Variants in DOT1L observed in about 807,000 individuals in gnomAD.
DOT1L encodes histone-lysine N-methyltransferase, H3 lysine-79 specific.
DOT1L carries 33 observed loss-of-function variants against 153.3 expected under a neutral mutation model. That is an observed-to-expected ratio of 0.22 (90% CI 0.16 to 0.29). The LOEUF (loss-of-function observed/expected upper bound fraction) is 0.29. DOT1L is among the 10% of genes least tolerant of loss of function. The pLI is 1.00. For missense variants in DOT1L, 1,847 were observed against 2,119.9 expected, an observed-to-expected ratio of 0.87 and a Z score of 2.53; for synonymous variants, 1,135 against 965.1, an observed-to-expected ratio of 1.18 and a Z score of -3.26.
intron 1 of DOT1L, among the ~76,000 whole-genome samples, chr19:2,173,727 G>A (rs2021770024): frequency 6.6e-6 from 1 of 152,200 alleles, no homozygotes; most frequent in South Asian, 2.1e-4. Flanking sequence ...TGTGTCCTTG[G>A]TGGGCAGCTC....
intron 3 of DOT1L, among the ~76,000 whole-genome samples, chr19:2,187,136 C>A (rs549283018): frequency 6.6e-6 from 1 of 152,332 alleles, no homozygotes; most frequent in East Asian, 1.9e-4. Flanking sequence ...AGGAGCCCCC[C>A]ACAAGTCGCT....
rs1424143295 is a variant in DOT1L at position 2,211,205 on chromosome 19, G to A, written c.1458G>A (p.Lys486=). The A allele has an allele frequency of 3.7e-6, 6 of 1,605,484 alleles. No individual in the cohort carries two copies. The highest frequency in any genetic ancestry group is 3.4e-5 in the Admixed American group (2 of 59,542). The change falls in exon 15 of 28, where the codon AAG becomes AAA. Residue 486 remains lysine, a synonymous_variant. Coordinates refer to ENST00000398665, the MANE Select transcript of DOT1L (RefSeq NM_032482.3). ...CGCCCACCCCGCCCGCGCTGCAGAA[G>A]CTTCTAGGTGAGCCCGTGTGAGGCG... is the stretch of plus-strand genomic sequence containing the variant. ...LVAPTPPALQ[K]LLESFKIQYL... is the part of the protein sequence containing the mutation.
chr19:2,164,814 C>A (rs374877319), intron 1 of DOT1L, among the ~76,000 whole-genome samples: 2 of 152,036 alleles, frequency 1.3e-5, no homozygotes, highest in Admixed American at 1.3e-4. Flanking sequence ...AATTTTTGTC[C>A]CCGTAATTTT....
At chr19:2,199,514 G>A (rs1421493719) in intron 7 of DOT1L, among the ~76,000 whole-genome samples, 1 of 152,228 alleles carries the variant, frequency 6.6e-6, no homozygotes, top group Non-Finnish European at 1.5e-5. Flanking sequence ...CCTGCTGGCC[G>A]CCTCTGGTCC....
rs112046687 is a variant in DOT1L, at chr19:2,197,336, C to T, written c.652-2548C>T. ...TGGCCGGAAGTTCCCACATGGGTTC[C>T]TGGCTGTGGCAGGCGAGCCACACAG... On this transcript the variant is annotated intron_variant, in intron 7 of 27. Coordinates refer to ENST00000398665, the MANE Select transcript of DOT1L (RefSeq NM_032482.3). This position sits in a 1 kb window ranked among gnomAD's most constrained non-coding sequence, Gnocchi z 4.1. 4.0e-3 allele frequency among the ~76,000 whole-genome samples: 603 copies of T among 152,348 alleles called. 5 individuals are homozygous for T. The highest frequency in any genetic ancestry group is 0.014 in the African/African-American group (565 of 41,566).
intron 27 of DOT1L, 53 bp from the exon 28 acceptor site, chr19:2,229,732 C>T (rs974881310): frequency 1.2e-6 from 2 of 1,611,814 alleles, no homozygotes; most frequent in South Asian, 2.2e-5. Flanking sequence ...TGTTGGGCTC[C>T]CCCAGGCGCG....
At chr19:2,199,574 C>T (rs1285555637) in intron 7 of DOT1L, among the ~76,000 whole-genome samples, 1 of 152,226 alleles carries the variant, frequency 6.6e-6, no homozygotes, top group Non-Finnish European at 1.5e-5. Context: ...TAGGAGACTG[C>T]AGCGTGGCTT....
intron 17 of DOT1L, 72 bp downstream of exon 17, chr19:2,213,712 ATGGCTTCCTG>A (rs2023795343): frequency 2.2e-5 from 36 of 1,603,466 alleles, no homozygotes; most frequent in South Asian, 1.0e-4. Flanking sequence ...GTCCGTCGGT[ATGGCTTCCTG>A]TGGCTTCCTG....
In DOT1L at chr19:2,222,187, C is replaced by T; in HGVS notation, c.3018C>T (p.Leu1006=). 1 of 1,613,146 alleles carries T rather than the reference C, an allele frequency of 6.2e-7. No individual in the cohort carries two copies. Among genetic ancestry groups the T allele is most frequent in the African/African-American group, 1.3e-5 (1 of 75,066 alleles). ...TTCCTGCCTCTCCCGCCCACCAGCTCTCCTCCAGTCCCCGGCTTGGTGGGG... is the reference window on the plus strand; with the variant it reads ...TTCCTGCCTCTCCCGCCCACCAGCTTTCCTCCAGTCCCCGGCTTGGTGGGG... The part of the protein sequence containing the change: ...NSLPASPAHQ[L]SSSPRLGGAA... The change falls in exon 24 of 28, where the codon CTC becomes CTT. Residue 1006 remains leucine, a synonymous_variant. Transcript: ENST00000398665. The surrounding 1 kb of genome is among the most constrained non-coding windows in gnomAD (Gnocchi z 6.5).
rs997052282 is a variant in DOT1L, at chr19:2,208,043, C to T, written c.963+363C>T. Among the ~76,000 whole-genome samples the T allele has an allele frequency of 3.9e-5, 6 of 152,176 alleles. No individual in the cohort carries two copies. Among genetic ancestry groups the T allele is most frequent in the African/African-American group, 1.4e-4 (6 of 41,436 alleles). ...AGGAGTCCCACGTCCCTGTTCCCAGCTTCCTCCATGTGAGAGGGTCCTGAG... is the reference window on the plus strand; with the variant it reads ...AGGAGTCCCACGTCCCTGTTCCCAGTTTCCTCCATGTGAGAGGGTCCTGAG... On this transcript the variant is annotated intron_variant, in intron 11 of 27. Transcript: ENST00000398665. The surrounding 1 kb of genome is among the most constrained non-coding windows in gnomAD (Gnocchi z 4.4).
intron 27 of DOT1L, 141 bp downstream of exon 27, chr19:2,227,268 C>T: frequency 9.0e-7 from 1 of 1,108,040 alleles, no homozygotes; most frequent in Non-Finnish European, 1.4e-6. Context: ...GCCATCCGTG[C>T]ACGGTGGCGA....
chr19:2,185,814 A>C, intron 2 of DOT1L, 41 bp from the exon 3 acceptor site: 1 of 1,606,796 alleles, frequency 6.2e-7, no homozygotes, highest in Non-Finnish European at 8.5e-7. Context: ...AAAACAAAAA[A>C]AACCAAACCC....
chr19:2,213,882 A>T lies in DOT1L; in HGVS notation c.1693A>T (p.Ile565Phe). The change falls in exon 18 of 28, where the codon ATT becomes TTT. Residue 565 changes from isoleucine (I) to phenylalanine (F), a missense_variant. Around this residue, in one of 8 missense-constraint regions of DOT1L, gnomAD observed 156 missense variants for 235.7 expected, o/e 0.66. Transcript: ENST00000398665. ...GVKALTYNDL[I>F]QAQKEISAHN... ...GAAGGCGCTGACCTACAACGACCTG[A>T]TTCAAGCGCAGAAGGAGATCTCCGC... 6.2e-7 allele frequency: 1 copy of T among 1,613,126 alleles called. No individual in the cohort carries two copies. The highest frequency in any genetic ancestry group is 1.7e-5 in the Admixed American group (1 of 60,034).
At position 2,216,685 on chromosome 19, in the gene DOT1L, G is replaced by T. The variant is rs749662085; in HGVS notation, c.2328G>T (p.Pro776=). 1.2e-6 allele frequency: 2 copies of T among 1,603,352 alleles called. No individual in the cohort carries two copies. Among genetic ancestry groups the T allele is most frequent in the Non-Finnish European group, 1.7e-6 (2 of 1,179,852 alleles). The change falls in exon 20 of 28, where the codon CCG becomes CCT. Residue 776 remains proline, a synonymous_variant. Transcript: ENST00000398665. ...LAAPDYTRLS[P]AKIVLRRHLS... ...CACCCGACTACACTAGGCTGTCCCCGGCCAAGATTGTGCTGAGGCGGCACC... is the reference window on the plus strand; with the variant it reads ...CACCCGACTACACTAGGCTGTCCCCTGCCAAGATTGTGCTGAGGCGGCACC...
At position 2,188,521 on chromosome 19, in the gene DOT1L, C is replaced by G. The variant is rs185138501; in HGVS notation, c.201-1211C>G. Among the ~76,000 whole-genome samples the G allele has an allele frequency of 5.7e-3, 788 of 139,320 alleles. 5 individuals carry two copies. The highest frequency in any genetic ancestry group is 0.011 in the Middle Eastern group (3 of 266). The allele number at this position is 139,320 out of a possible 152,430, so 91.4% of individuals were successfully genotyped here. On this transcript the variant is annotated intron_variant, in intron 3 of 27. Coordinates refer to ENST00000398665, the MANE Select transcript of DOT1L (RefSeq NM_032482.3). ...CCCGCACAGGTGCAGGCCCCCTCGG[C>G]GCTGGGGATGTGGAAGTCGGATTGT...
chr19:2,207,589 T>C lies in DOT1L; in HGVS notation c.872T>C (p.Met291Thr). 1 of 1,611,060 alleles carries C rather than the reference T, an allele frequency of 6.2e-7. No individual in the cohort carries two copies. ...SRNLSDIGTI[M>T]RVVELSPLKG... The stretch of plus-strand genomic sequence containing the variant: ...GCTCCTGCAGACATCGGCACCATCA[T>C]GCGCGTGGTGGAGCTCTCGCCCCTG... The change falls in exon 11 of 28, where the codon ATG (methionine) becomes ACG (threonine). Residue 291 changes from methionine (M) to threonine (T), a missense_variant. Around this residue, in one of 8 missense-constraint regions of DOT1L, gnomAD observed 148 missense variants for 422.3 expected, o/e 0.35. Coordinates refer to ENST00000398665, the MANE Select transcript of DOT1L (RefSeq NM_032482.3). This position sits in a 1 kb window ranked among gnomAD's most constrained non-coding sequence, Gnocchi z 4.5.
chr19:2,187,969 T>G (rs1282939344), intron 3 of DOT1L, among the ~76,000 whole-genome samples: 2 of 149,514 alleles, frequency 1.3e-5, no homozygotes, highest in African/African-American at 4.9e-5. Context: ...GGGCCAGGGC[T>G]GCTCCTCTGG....
Position 2,226,241 on chromosome 19 carries a change from G to A in DOT1L, c.3720G>A (p.Lys1240=), listed in dbSNP as rs775658742. The A allele has an allele frequency of 1.9e-5, 29 of 1,561,908 alleles. No homozygotes were observed. Among genetic ancestry groups the A allele is most frequent in the Non-Finnish European group, 2.3e-5 (26 of 1,152,626 alleles). ...APAGEPVNSS[K]WKSTFSPISD... is the part of the protein sequence containing the mutation. ...CCGGCGAGCCAGTCAATAGCAGCAA[G>A]TGGAAGTCCACCTTCTCGCCCATCT... The change falls in exon 27 of 28, where the codon AAG becomes AAA. Residue 1240 remains lysine, a synonymous_variant. Transcript: ENST00000398665.
chr19:2,220,392 T>C lies in DOT1L; in HGVS notation c.2806+170T>C. 1.4e-6 allele frequency: 1 copy of C among 733,086 alleles called. No homozygotes were observed. The highest frequency in any genetic ancestry group is 2.4e-6 in the Non-Finnish European group (1 of 416,444). 45.4% of individuals were successfully genotyped at this position (733,086 alleles called of 1,614,324 possible). A position where few individuals can be genotyped will look rare whatever the true frequency, so the allele number is the denominator to read the frequency against. ...ACACCCTTTCCTGCATCCCACGAGC[T>C]GGGATGCGGATCGGGCTCAGCTGCA... On this transcript the variant is annotated intron_variant, in intron 23 of 27. Coordinates refer to ENST00000398665, the MANE Select transcript of DOT1L (RefSeq NM_032482.3). The surrounding 1 kb of genome is among the most constrained non-coding windows in gnomAD (Gnocchi z 4.5).
Sources: gnomAD v4.1 joint callset for allele counts (sites outside exome capture counted in the v4.1 genomes callset) on GRCh38, gnomAD v4.1.1 for gene constraint, gnomAD v4.1.1 regional missense constraint, Gnocchi (gnomAD v3.1) non-coding constraint, MANE v1.5 for transcripts, NCBI Gene and HGNC (gene_info 2026-07-23, HGNC 2026-07-21) for gene names.